Variants in SGCD observed in about 807,000 individuals in gnomAD.
The protein encoded by SGCD is delta-sarcoglycan.
SGCD carries 18 observed loss-of-function variants against 36.6 expected under a neutral mutation model. That is an observed-to-expected ratio of 0.49 (90% CI 0.34 to 0.73). The LOEUF is 0.73. SGCD is among the 30% of genes least tolerant of loss of function. SGCD has a pLI of 0.01. For missense variants in SGCD, 387 were observed against 346.7 expected, an observed-to-expected ratio of 1.12 and a Z score of -0.92; for synonymous variants, 133 against 130.6, an observed-to-expected ratio of 1.02 and a Z score of -0.12.
intron 7 of SGCD, among the ~76,000 whole-genome samples, chr5:156,647,890 GT>G (rs1763291312): frequency 6.6e-6 from 1 of 152,086 alleles, no homozygotes; most frequent in African/African-American, 2.4e-5. Flanking sequence ...AGAAGATGAA[GT>G]CTAAATACAA....
chr5:155,774,461 TC>T, the SGCD span, among the ~76,000 whole-genome samples: 1 of 152,264 alleles, frequency 6.6e-6, no homozygotes, highest in East Asian at 1.9e-4. Flanking sequence ...TTTACTTTCT[TC>T]TTGTTCTGGA....
At chr5:156,631,962 A>T (rs1762653091) in intron 6 of SGCD, among the ~76,000 whole-genome samples, 1 of 152,214 alleles carries the variant, frequency 6.6e-6, no homozygotes, top group African/African-American at 2.4e-5. Context: ...GTCTAATTGC[A>T]AGTGACACAA....
chr5:156,254,858 A>T (rs1593883), intron 3 of SGCD, among the ~76,000 whole-genome samples: 4 of 151,892 alleles, frequency 2.6e-5, no homozygotes, highest in African/African-American at 4.8e-5. Flanking sequence ...TAAATAAATA[A>T]ATAAATCTCA....
chr5:155,735,612 A>G, the SGCD span, among the ~76,000 whole-genome samples: 2 of 152,210 alleles, frequency 1.3e-5, no homozygotes, highest in African/African-American at 2.4e-5. Flanking sequence ...TGATTAACAC[A>G]TGCTTGGTGA....
intron 3 of SGCD, among the ~76,000 whole-genome samples, chr5:156,268,773 T>G (rs1017680006): frequency 2.0e-5 from 3 of 152,116 alleles, no homozygotes; most frequent in Non-Finnish European, 4.4e-5. Context: ...TTGTGTTTTA[T>G]AGTAGAGATA....
the SGCD span, among the ~76,000 whole-genome samples, chr5:155,782,852 C>T: frequency 6.6e-6 from 1 of 152,182 alleles, no homozygotes; most frequent in Non-Finnish European, 1.5e-5. Flanking sequence ...CATCACCAAA[C>T]CATCCCCCTC....
chr5:155,747,188 T>C, the SGCD span, among the ~76,000 whole-genome samples: 1 of 151,634 alleles, frequency 6.6e-6, no homozygotes, highest in Non-Finnish European at 1.5e-5. Context: ...TATTCTAAGA[T>C]AAATTTAAAA....
chr5:155,866,427 G>T (rs1755525692), upstream of SGCD, among the ~76,000 whole-genome samples: 1 of 152,116 alleles, frequency 6.6e-6, no homozygotes, highest in Non-Finnish European at 1.5e-5. Flanking sequence ...TTATAAAAAT[G>T]GTTTTGTTGT....
At chr5:156,559,840 T>C (rs1759197359) in intron 4 of SGCD, among the ~76,000 whole-genome samples, 2 of 152,214 alleles carry the variant, frequency 1.3e-5, no homozygotes, top group Admixed American at 1.3e-4. Flanking sequence ...TTCAAGAGAA[T>C]TTTGAGCTTC....
intron 3 of SGCD, among the ~76,000 whole-genome samples, chr5:156,499,550 A>G (rs902113898): frequency 6.6e-6 from 1 of 152,216 alleles, no homozygotes; most frequent in Admixed American, 6.5e-5. Context: ...CAGAAAAGAC[A>G]TCTAATCATA....
chr5:155,911,293 ATGTGTG>A (rs371986965), intron 1 of SGCD, among the ~76,000 whole-genome samples: 20 of 141,660 alleles, frequency 1.4e-4, no homozygotes, highest in African/African-American at 4.0e-4. Flanking sequence ...AGTATAGTAT[ATGTGTG>A]TGTGTGTGTG....
chr5:155,740,380 T>A, the SGCD span, among the ~76,000 whole-genome samples: 1 of 152,220 alleles, frequency 6.6e-6, no homozygotes, highest in African/African-American at 2.4e-5. Context: ...AAAATATTTA[T>A]ATTGAATGTT....
At chr5:156,254,438 C>A (rs555175971) in intron 3 of SGCD, among the ~76,000 whole-genome samples, 2 of 152,184 alleles carry the variant, frequency 1.3e-5, no homozygotes, top group African/African-American at 2.4e-5. Flanking sequence ...GGCTAAGAAA[C>A]CTTTTGTTCC....
chr5:156,442,581 C>G (rs559109114), intron 3 of SGCD, among the ~76,000 whole-genome samples: 1 of 152,320 alleles, frequency 6.6e-6, no homozygotes, highest in Non-Finnish European at 1.5e-5. Flanking sequence ...ATTTCTCTTT[C>G]CATTGTATTT....
chr5:155,938,129 C>G (rs1446408702), intron 1 of SGCD, among the ~76,000 whole-genome samples: 1 of 152,124 alleles, frequency 6.6e-6, no homozygotes, highest in Non-Finnish European at 1.5e-5. Context: ...CCTTGTTGGC[C>G]CAGGGGGTGC....
rs148350897 is a variant in SGCD, at chr5:156,154,195, C to G, written c.-44+30176C>G. ...TCAAAGATGCTTTCTTTTTTTCCTC[C>G]CTTGTTCTCTGTCTTCCACCTCCAC... On this transcript the variant is annotated intron_variant, in intron 3 of 9. Transcript: ENST00000517913. Among the ~76,000 whole-genome samples, 42 of 151,626 alleles carry G rather than the reference C, an allele frequency of 2.8e-4. No homozygotes were observed. In the East Asian group the frequency reaches 8.0e-3, roughly 29 times the overall value.
At chr5:156,604,278 G>A (rs1346212791) in intron 6 of SGCD, among the ~76,000 whole-genome samples, 18 of 151,676 alleles carry the variant, frequency 1.2e-4, no homozygotes, top group African/African-American at 2.4e-5. Flanking sequence ...TCATCTATGT[G>A]TTTAATAATG....
At chr5:156,277,350 T>A (rs532766377) in intron 3 of SGCD, among the ~76,000 whole-genome samples, 1 of 152,326 alleles carries the variant, frequency 6.6e-6, no homozygotes, top group South Asian at 2.1e-4. Flanking sequence ...TTACCTTTCT[T>A]GGCCCTTGTC....
chr5:156,202,753 C>CTTTTTT (rs11324693), intron 3 of SGCD, among the ~76,000 whole-genome samples: 3 of 112,288 alleles, frequency 2.7e-5, no homozygotes, highest in Non-Finnish European at 1.8e-5. Flanking sequence ...GCAGAGGTTC[C>CTTTTTT]TTTTTTTTTT....
Sources: gnomAD v4.1 joint callset for allele counts (sites outside exome capture counted in the v4.1 genomes callset) on GRCh38, gnomAD v4.1.1 for gene constraint, MANE v1.5 for transcripts, NCBI Gene and HGNC (gene_info 2026-07-23, HGNC 2026-07-21) for gene names.